ANK1: variants seen among roughly 807,000 people sequenced by gnomAD.
The protein encoded by ANK1 is ankyrin-1.
In ANK1, 51 loss-of-function variants were observed where a neutral mutation model predicts 210.4. That is an observed-to-expected ratio of 0.24 (90% CI 0.19 to 0.31). The LOEUF is 0.31. Among genes scored for constraint, ANK1 ranks in the 10% least tolerant of loss-of-function variants. The probability of loss-of-function intolerance (pLI) is 1.00; values close to 1 mark genes in which losing one functional copy is unlikely to be tolerated. For missense variants in ANK1, 2,051 were observed against 2,504.4 expected, an observed-to-expected ratio of 0.82 and a Z score of 3.86; for synonymous variants, 967 against 1,025.9, an observed-to-expected ratio of 0.94 and a Z score of 1.10.
Position 41,708,835 on chromosome 8 carries a change from G to A in ANK1, c.1941C>T (p.His647=), listed in dbSNP as rs764869583. 3.7e-6 allele frequency: 6 copies of A among 1,614,052 alleles called. No homozygotes were observed. Among genetic ancestry groups the A allele is most frequent in the South Asian group, 3.3e-5 (3 of 91,082 alleles). Residue 647 remains histidine, a synonymous_variant, in exon 17 of 43, where the codon CAC becomes CAT. Coordinates refer to ENST00000289734, the MANE Select transcript of ANK1 (RefSeq NM_000037.4). ...AGAGCAGCAGAGCCACCATCTCTGC[G>A]TGGCCCTCCTGGGCGGCCAGGTGAA... ...TPLHLAAQEG[H]AEMVALLLSK... is the part of the protein sequence containing the mutation.
chr8:41,752,169 A>C (rs1039267180), intron 2 of ANK1, among the ~76,000 whole-genome samples: 5 of 151,842 alleles, frequency 3.3e-5, no homozygotes, highest in Non-Finnish European at 7.4e-5. Context: ...CCTCCTCCCC[A>C]GTGTCTCCCA....
At chr8:41,676,503 A>G (rs1394650406) in intron 37 of ANK1, among the ~76,000 whole-genome samples, 1 of 152,200 alleles carries the variant, frequency 6.6e-6, no homozygotes, top group African/African-American at 2.4e-5. Flanking sequence ...TTATTTGCCA[A>G]TATTTTCTCC....
intron 7 of ANK1, among the ~76,000 whole-genome samples, chr8:41,723,947 G>A (rs1158200128): frequency 1.3e-5 from 2 of 151,640 alleles, no homozygotes; most frequent in South Asian, 2.1e-4. Context: ...GCGCCACCAT[G>A]CCCGGCTAAT....
intron 35 of ANK1, 133 bp downstream of exon 35, chr8:41,688,023 T>A (rs1261658035): frequency 1.9e-5 from 22 of 1,152,862 alleles, no homozygotes; most frequent in Non-Finnish European, 2.3e-5. Context: ...CAGACCCAGC[T>A]CAGACAATCA....
At chr8:41,836,127 C>CT (rs1167153565) in intron 1 of ANK1, among the ~76,000 whole-genome samples, 1 of 152,256 alleles carries the variant, frequency 6.6e-6, no homozygotes, top group African/African-American at 2.4e-5. Context: ...CAGCAAGTCA[C>CT]TTCAGCCACT....
intron 1 of ANK1, among the ~76,000 whole-genome samples, chr8:41,853,365 C>T (rs886512118): frequency 2.0e-5 from 3 of 152,100 alleles, no homozygotes; most frequent in Admixed American, 2.0e-4. Context: ...ATTTCTGCAT[C>T]GCAAAGGCAA....
upstream of ANK1, among the ~76,000 whole-genome samples, chr8:41,798,328 C>T (rs1283783101): frequency 6.6e-6 from 1 of 152,148 alleles, no homozygotes; most frequent in East Asian, 1.9e-4. Flanking sequence ...GGAATCTGGG[C>T]ACAATCTTAA....
intron 1 of ANK1, among the ~76,000 whole-genome samples, chr8:41,895,155 G>A (rs1353616109): frequency 6.6e-6 from 1 of 152,146 alleles, no homozygotes; most frequent in African/African-American, 2.4e-5. Context: ...TCAGCTGCAG[G>A]CTCCAAACTT....
intron 4 of ANK1, among the ~76,000 whole-genome samples, chr8:41,727,596 A>G (rs1316445941): frequency 6.6e-6 from 1 of 152,180 alleles, no homozygotes; most frequent in Non-Finnish European, 1.5e-5. Flanking sequence ...CATTGATTTC[A>G]TCAATGCTGC....
At chr8:41,793,967 A>G (rs1334500747) in intron 1 of ANK1, among the ~76,000 whole-genome samples, 3 of 152,212 alleles carry the variant, frequency 2.0e-5, no homozygotes, top group Non-Finnish European at 1.5e-5. Flanking sequence ...AACCAGCCCT[A>G]TGTATCCCAG....
chr8:41,810,793 C>T (rs779001162), intron 1 of ANK1, among the ~76,000 whole-genome samples: 19 of 152,244 alleles, frequency 1.2e-4, no homozygotes, highest in Non-Finnish European at 1.9e-4. Flanking sequence ...GCCAGGAGAA[C>T]AGGAGAAACT....
At chr8:41,715,571 C>A (rs1308658492) in intron 14 of ANK1, 81 bp downstream of exon 14, 14 of 1,542,688 alleles carry the variant, frequency 9.1e-6, no homozygotes, top group East Asian at 2.3e-5. Flanking sequence ...CAAAGAGAAC[C>A]AGGCAGGAAT....
chr8:41,700,193 G>A (rs375095257), intron 22 of ANK1, among the ~76,000 whole-genome samples: 3 of 152,200 alleles, frequency 2.0e-5, no homozygotes, highest in African/African-American at 4.8e-5. Context: ...CAGCTCATGC[G>A]GTTATGATCA....
At chr8:41,757,999 T>C (rs201867432) in intron 2 of ANK1, 37 bp downstream of exon 2, 1 of 1,567,912 alleles carries the variant, frequency 6.4e-7, no homozygotes. Context: ...CAAGAGCTAC[T>C]CTTCAGAGAC....
At position 41,719,876 on chromosome 8, in the gene ANK1, C is replaced by A. The variant is rs768725819; in HGVS notation, c.910-18G>T. 1 of 1,613,704 alleles carries A rather than the reference C, an allele frequency of 6.2e-7. No homozygotes were observed. Among genetic ancestry groups the A allele is most frequent in the Non-Finnish European group, 8.5e-7 (1 of 1,179,610 alleles). On this transcript the variant is annotated intron_variant, in intron 9 of 42. Coordinates refer to ENST00000289734, the MANE Select transcript of ANK1 (RefSeq NM_000037.4). ...AGGCCGTTCTGGGTAAAGAGGAAAACACAAGCAATCACAAAGTCTTCTGGG... is the reference window on the plus strand; with the variant it reads ...AGGCCGTTCTGGGTAAAGAGGAAAAAACAAGCAATCACAAAGTCTTCTGGG...
chr8:41,749,543 C>T (rs1166774590), intron 2 of ANK1, among the ~76,000 whole-genome samples: 3 of 78,308 alleles, frequency 3.8e-5, no homozygotes, highest in African/African-American at 1.0e-4. Context: ...GTGATCCACC[C>T]GCCTCGGCCT....
intron 1 of ANK1, among the ~76,000 whole-genome samples, chr8:41,767,616 C>G (rs1842133344): frequency 6.6e-6 from 1 of 152,156 alleles, no homozygotes; most frequent in Non-Finnish European, 1.5e-5. Flanking sequence ...ATGCGAAGCG[C>G]TCTCCGGAGA....
chr8:41,838,402 A>G (rs1808186337), intron 1 of ANK1, among the ~76,000 whole-genome samples: 1 of 152,234 alleles, frequency 6.6e-6, no homozygotes, highest in African/African-American at 2.4e-5. Context: ...AGTAAAGCTA[A>G]CATTTATTAA....
chr8:41,704,504 C>T lies in ANK1; in HGVS notation c.2098-32G>A. The stretch of plus-strand genomic sequence containing the variant: ...AGCAGATGAGAAGGAGTGACCGGAG[C>T]TGTCCTGAGCTGGGCATCACATGAA... On this transcript the variant is annotated intron_variant, in intron 18 of 42. Coordinates refer to ENST00000289734, the MANE Select transcript of ANK1 (RefSeq NM_000037.4). This position sits in a 1 kb window ranked among gnomAD's most constrained non-coding sequence, Gnocchi z 4.1. 6.4e-7 allele frequency: 1 copy of T among 1,562,378 alleles called. No individual in the cohort carries two copies. The highest frequency in any genetic ancestry group is 8.8e-7 in the Non-Finnish European group (1 of 1,132,888).
Sources: allele counts gnomAD v4.1 joint callset (sites outside exome capture counted in the v4.1 genomes callset), GRCh38; gene constraint gnomAD v4.1.1; non-coding constraint Gnocchi (gnomAD v3.1); transcripts MANE v1.5; gene names NCBI Gene and HGNC (gene_info 2026-07-23, HGNC 2026-07-21).